The following BTRC variants were observed in gnomAD, a reference collection of about 807,000 sequenced individuals.
BTRC encodes the protein beta-transducin repeat containing E3 ubiquitin protein ligase.
In BTRC, 42 loss-of-function variants were observed where a neutral mutation model predicts 85.5. That is an observed-to-expected ratio of 0.49 (90% CI 0.38 to 0.64). The LOEUF (loss-of-function observed/expected upper bound fraction) is 0.64. Ranked by LOEUF, BTRC falls within the 30% of genes least tolerant of loss-of-function variation. BTRC has a pLI of 0.00. For synonymous variants in BTRC, 255 were observed against 263.3 expected, an observed-to-expected ratio of 0.97 and a Z score of 0.30; for missense variants, 594 against 743.5, an observed-to-expected ratio of 0.80 and a Z score of 2.34.
intron 4 of BTRC, among the ~76,000 whole-genome samples, chr10:101,482,808 G>A (rs1330424147): frequency 1.3e-5 from 2 of 152,240 alleles, no homozygotes; most frequent in East Asian, 3.9e-4. Flanking sequence ...GCCCTTAACT[G>A]AATAGTTTCA....
At chr10:101,406,558 G>A (rs868076081) in intron 1 of BTRC, among the ~76,000 whole-genome samples, 34 of 105,196 alleles carry the variant, frequency 3.2e-4, no homozygotes, top group African/African-American at 9.1e-4. Flanking sequence ...TTTTTGAGAC[G>A]GAGTCTCACT....
rs150368873 is a variant in BTRC at position 101,487,720 on chromosome 10, G to A, written c.324+8263G>A. On this transcript the variant is annotated intron_variant, in intron 4 of 14. Transcript: ENST00000370187. ...GGGTAAGCAGGGATCCTACCCAGTC[G>A]GAACACTGAAATTAATGAGAAGAAC... 4.2e-3 allele frequency among the ~76,000 whole-genome samples: 639 copies of A among 152,136 alleles called. 2 individuals carry two copies. Among genetic ancestry groups the A allele is most frequent in the Non-Finnish European group, 7.0e-3 (476 of 68,006 alleles).
At chr10:101,356,064 G>C (rs996383285) in intron 1 of BTRC, among the ~76,000 whole-genome samples, 4 of 152,056 alleles carry the variant, frequency 2.6e-5, no homozygotes, top group African/African-American at 9.7e-5. Flanking sequence ...TGTCGCCCAG[G>C]CTGGAGTGCA....
At chr10:101,389,103 G>A (rs182402283) in intron 1 of BTRC, among the ~76,000 whole-genome samples, 1 of 96,714 alleles carries the variant, frequency 1.0e-5, no homozygotes, top group African/African-American at 3.6e-5. Context: ...TTGCATAATT[G>A]TGATTTTTTG....
chr10:101,501,954 AC>A (rs1431799377), intron 4 of BTRC, among the ~76,000 whole-genome samples: 1 of 152,168 alleles, frequency 6.6e-6, no homozygotes, highest in Non-Finnish European at 1.5e-5. Flanking sequence ...ATTTTTAGTG[AC>A]CCTCAAAATT....
In BTRC at chr10:101,367,006, T is replaced by A. The variant is rs371251368; in HGVS notation, c.48+12778T>A. Among the ~76,000 whole-genome samples the A allele has an allele frequency of 1.8e-3, 74 of 40,124 alleles. 8 individuals are homozygous for A. Among genetic ancestry groups the A allele is most frequent in the Middle Eastern group, 0.015 (1 of 66 alleles). 26.3% of individuals were successfully genotyped at this position (40,124 alleles called of 152,430 possible). A position where few individuals can be genotyped will look rare whatever the true frequency, so the allele number is the denominator to read the frequency against. On this transcript the variant is annotated intron_variant, in intron 1 of 14. Transcript: ENST00000370187. ...TATTTATATATATTAATATATATAT[T>A]TATATATATATTTATATTTATATAT...
At chr10:101,399,536 T>C (rs1385269957) in intron 1 of BTRC, among the ~76,000 whole-genome samples, 2 of 152,174 alleles carry the variant, frequency 1.3e-5, no homozygotes, top group African/African-American at 4.8e-5. Context: ...AGTACCTATA[T>C]TCCGTGTGCC....
intron 4 of BTRC, among the ~76,000 whole-genome samples, chr10:101,480,451 A>G (rs1945804037): frequency 6.6e-6 from 1 of 152,232 alleles, no homozygotes; most frequent in Admixed American, 6.5e-5. Context: ...TGAGAGCACT[A>G]GCAGATTCAG....
chr10:101,363,690 G>A (rs1020780180), intron 1 of BTRC, among the ~76,000 whole-genome samples: 1 of 152,068 alleles, frequency 6.6e-6, no homozygotes, highest in Non-Finnish European at 1.5e-5. Context: ...CGGGAAGTTC[G>A]TTTTAACTGA....
chr10:101,482,393 C>CTTTTTTTTTTTTTTTTTT (rs55978440), intron 4 of BTRC, among the ~76,000 whole-genome samples: 4 of 99,806 alleles, frequency 4.0e-5, no homozygotes, highest in African/African-American at 7.1e-5. Context: ...TTGTTTGTTT[C>CTTTTTTTTTTTTTTTTTT]TTTTTTTTTT....
At chr10:101,370,641 C>T (rs1942607817) in intron 1 of BTRC, among the ~76,000 whole-genome samples, 1 of 135,416 alleles carries the variant, frequency 7.4e-6, no homozygotes, top group South Asian at 2.8e-4. Context: ...CCCATCTAGG[C>T]TCACTGCAGC....
At chr10:101,360,334 C>T (rs924011739) in intron 1 of BTRC, among the ~76,000 whole-genome samples, 5 of 146,284 alleles carry the variant, frequency 3.4e-5, no homozygotes, top group Non-Finnish European at 6.0e-5. Context: ...GGATTACAGG[C>T]GTGAGTCACT....
intron 1 of BTRC, among the ~76,000 whole-genome samples, chr10:101,386,915 G>A (rs1240079957): frequency 6.6e-6 from 1 of 152,066 alleles, no homozygotes; most frequent in South Asian, 2.1e-4. Flanking sequence ...TGGTTTTTAC[G>A]TTTAGAATTT....
intron 4 of BTRC, among the ~76,000 whole-genome samples, chr10:101,505,629 A>T (rs77864725): frequency 7.1e-4 from 82 of 116,116 alleles, no homozygotes; most frequent in African/African-American, 1.9e-3. Context: ...CAAAAAAATA[A>T]AAAAAAAAAA....
chr10:101,367,912 C>T (rs866326455), intron 1 of BTRC, among the ~76,000 whole-genome samples: 1 of 152,078 alleles, frequency 6.6e-6, no homozygotes, highest in Admixed American at 6.6e-5. Context: ...TAATCTTGTA[C>T]AGTTTTTCCT....
At chr10:101,401,672 G>T (rs1027337791) in intron 1 of BTRC, among the ~76,000 whole-genome samples, 7 of 151,760 alleles carry the variant, frequency 4.6e-5, no homozygotes, top group Admixed American at 4.6e-4. Flanking sequence ...TACAAATATT[G>T]AGTGAATTAA....
intron 4 of BTRC, among the ~76,000 whole-genome samples, chr10:101,484,444 T>G (rs141693919): frequency 8.5e-4 from 130 of 152,356 alleles, no homozygotes; most frequent in African/African-American, 2.9e-3. Context: ...GTGCAACTGT[T>G]TCACTTTTTT....
At chr10:101,442,440 T>TA (rs1944712655) in intron 2 of BTRC, among the ~76,000 whole-genome samples, 1 of 152,014 alleles carries the variant, frequency 6.6e-6, no homozygotes, top group South Asian at 2.1e-4. Flanking sequence ...GAAGAGAAAA[T>TA]ACAGCGTGAC....
rs569410616 is a variant in BTRC at position 101,530,984 on chromosome 10, C to A, written c.744-253C>A. Among the ~76,000 whole-genome samples, 11 of 152,252 alleles carry A rather than the reference C, an allele frequency of 7.2e-5. No homozygotes were observed. The South Asian group carries it at 2.3e-3, about 32-fold the overall frequency. Reference sequence around the variant, plus strand: ...GGCCAGGAGTTCAAGACCAGCCTGACCAACATGGTGAAACCCCATCTCTAC... The same window carrying A: ...GGCCAGGAGTTCAAGACCAGCCTGAACAACATGGTGAAACCCCATCTCTAC... On this transcript the variant is annotated intron_variant, in intron 6 of 14. Transcript: ENST00000370187.
Sources: allele counts gnomAD v4.1 joint callset (sites outside exome capture counted in the v4.1 genomes callset), GRCh38; gene constraint gnomAD v4.1.1; transcripts MANE v1.5; gene names NCBI Gene and HGNC (gene_info 2026-07-23, HGNC 2026-07-21).